Variants in PLXDC1 observed in about 807,000 individuals in gnomAD.
PLXDC1 encodes the protein plexin domain-containing protein 1.
A neutral mutation model predicts 61.3 loss-of-function variants in PLXDC1; 39 were observed. The ratio of observed to expected loss-of-function variants is 0.64; its 90% CI spans 0.49 to 0.83. The LOEUF is 0.83. Among genes scored for constraint, PLXDC1 ranks in the 40% least tolerant of loss-of-function variants. PLXDC1 has a pLI of 0.00. For synonymous variants in PLXDC1, 212 were observed against 254.5 expected (o/e 0.83, Z 1.59); for missense variants, 596 against 666.5 (o/e 0.89, Z 1.17).
chr17:39,077,845 GCCC>G, intron 11 of PLXDC1, 65 bp downstream of exon 11: 6 of 1,544,356 alleles, frequency 3.9e-6, no homozygotes, highest in African/African-American at 1.4e-5. Flanking sequence ...CAGAGAGGGG[GCCC>G]CAGAGGGGTG....
intron 8 of PLXDC1, 90 bp from the exon 9 acceptor site, chr17:39,083,630 T>A: frequency 1.0e-6 from 1 of 984,506 alleles, no homozygotes; most frequent in Non-Finnish European, 1.6e-6. Context: ...TTTACAGAAC[T>A]ATGGAGCCCC....
intron 10 of PLXDC1, 84 bp from the exon 11 acceptor site, chr17:39,078,132 T>C (rs1386394215): frequency 5.3e-6 from 7 of 1,326,162 alleles, no homozygotes; most frequent in Non-Finnish European, 7.2e-6. Context: ...ACAGGGCAAT[T>C]TATCTGTCAG....
chr17:39,151,996 T>A (rs1004166037), upstream of PLXDC1, among the ~76,000 whole-genome samples: 1 of 151,880 alleles, frequency 6.6e-6, no homozygotes, highest in Non-Finnish European at 1.5e-5. This position sits in a 1 kb window ranked among gnomAD's most constrained non-coding sequence, Gnocchi z 5.2. Context: ...CCCCTGACTG[T>A]TCCCCGCCCC....
chr17:39,139,589 G>C, intron 2 of PLXDC1, 65 bp downstream of exon 2: 1 of 1,439,364 alleles, frequency 6.9e-7, no homozygotes, highest in South Asian at 1.3e-5. Flanking sequence ...AAGCACACCT[G>C]GGGCAGCTGG....
chr17:39,152,642 A>G (rs2045381631), upstream of PLXDC1: 1 of 1,243,814 alleles, frequency 8.0e-7, no homozygotes, highest in South Asian at 3.5e-5. Context: ...TAGGGACTAG[A>G]AAACCGCGGA....
At chr17:39,124,911 T>C (rs1326360979) in intron 2 of PLXDC1, among the ~76,000 whole-genome samples, 2 of 152,134 alleles carry the variant, frequency 1.3e-5, no homozygotes, top group African/African-American at 2.4e-5. Flanking sequence ...CCTCCCGGGC[T>C]CAAGTGATCC....
At chr17:39,118,354 C>G (rs1490287975) in intron 2 of PLXDC1, among the ~76,000 whole-genome samples, 1 of 152,008 alleles carries the variant, frequency 6.6e-6, no homozygotes, top group Admixed American at 6.6e-5. Flanking sequence ...CAGGTGCATA[C>G]CACCACACCC....
intron 7 of PLXDC1, among the ~76,000 whole-genome samples, chr17:39,091,118 C>T (rs1043335205): frequency 3.9e-5 from 6 of 152,236 alleles, no homozygotes; most frequent in Admixed American, 6.5e-5. Context: ...TGCCCCCACC[C>T]TAGCTTCCCC....
chr17:39,083,380 A>G, intron 9 of PLXDC1, 79 bp downstream of exon 9: 1 of 1,061,970 alleles, frequency 9.4e-7, no homozygotes, highest in Non-Finnish European at 1.4e-6. Flanking sequence ...GTGGGCAGTG[A>G]GGCCAGGACG....
chr17:39,132,277 G>GGCACATCCCAGGGTCTCTGACTCA (rs1324566986), intron 2 of PLXDC1, among the ~76,000 whole-genome samples: 14 of 152,188 alleles, frequency 9.2e-5, no homozygotes, highest in South Asian at 2.1e-4. Context: ...AATAAATTGT[G>GGCACATCCCAGGGTCTCTGACTCA]GCACATCCCA....
Position 39,070,015 on chromosome 17 carries a change from G to T in PLXDC1, c.1224C>A (p.Gly408=), listed in dbSNP as rs138950045. The T allele has an allele frequency of 1.2e-6, 2 of 1,612,696 alleles. No individual in the cohort carries two copies. Among genetic ancestry groups the T allele is most frequent in the Admixed American group, 1.7e-5 (1 of 59,992 alleles). Residue 408 remains glycine, a splice_region_variant and synonymous_variant, in exon 13 of 14, where the codon GGC becomes GGA. Transcript: ENST00000315392. ...TCTTGGGGGACAGGTTGTTCTGAAG[G>T]CCTGTGGAGAGATCATTAGGGCAGA... ...TKLNPYAGGD[G]LQNNLSPKTK...
In PLXDC1 at chr17:39,125,715, T is replaced by C. The variant is rs1041426577; in HGVS notation, c.255+13939A>G. Among the ~76,000 whole-genome samples, 5 of 152,218 alleles carry C rather than the reference T, an allele frequency of 3.3e-5. No individual in the cohort carries two copies. The East Asian group carries it at 7.7e-4, about 23-fold the overall frequency. ...ACCGCTTCTGTCACATTTCATGATA[T>C]CAAAAGCAGCTTTTGATGGTAAACA... On this transcript the variant is annotated intron_variant, in intron 2 of 13. Transcript: ENST00000315392.
At chr17:39,130,002 TA>T (rs1435543863) in intron 2 of PLXDC1, among the ~76,000 whole-genome samples, 2 of 152,148 alleles carry the variant, frequency 1.3e-5, no homozygotes, top group East Asian at 3.8e-4. Context: ...AAACCAGACA[TA>T]AAACATCACA....
At chr17:39,078,245 G>A (rs1909418571) in intron 10 of PLXDC1, among the ~76,000 whole-genome samples, 197 bp from the exon 11 acceptor site, 1 of 152,204 alleles carries the variant, frequency 6.6e-6, no homozygotes. Context: ...GTAGGCGGCT[G>A]GACAGGGTTT....
chr17:39,151,608 G>T lies in PLXDC1; in HGVS notation c.-171C>A. 1 of 1,138,860 alleles carries T rather than the reference G, an allele frequency of 8.8e-7. No individual in the cohort carries two copies. The highest frequency in any genetic ancestry group is 3.7e-4 in the Middle Eastern group (1 of 2,726). 70.5% of individuals were successfully genotyped at this position (1,138,860 alleles called of 1,614,324 possible). ...GCCGGCAGGAGCGGCGAGAGCGCGA[G>T]CGGAGCTGGAGGCTGCGGCCTCCGG... On this transcript the variant is annotated 5_prime_UTR_variant, in exon 1 of 14. Transcript: ENST00000315392. This position sits in a 1 kb window ranked among gnomAD's most constrained non-coding sequence, Gnocchi z 5.2.
At chr17:39,089,634 G>A (rs1433480990) in intron 7 of PLXDC1, among the ~76,000 whole-genome samples, 1 of 152,170 alleles carries the variant, frequency 6.6e-6, no homozygotes, top group Non-Finnish European at 1.5e-5. Flanking sequence ...TTCTCGCTCG[G>A]CTGAAGGTGG....
chr17:39,103,139 C>T (rs1304084601), intron 7 of PLXDC1, among the ~76,000 whole-genome samples: 5 of 151,358 alleles, frequency 3.3e-5, no homozygotes, highest in Admixed American at 1.3e-4. Flanking sequence ...GGCGTGAACC[C>T]GGGAGGTGGA....
intron 11 of PLXDC1, among the ~76,000 whole-genome samples, chr17:39,077,499 C>T: frequency 6.6e-6 from 1 of 152,202 alleles, no homozygotes; most frequent in Admixed American, 6.5e-5. Context: ...AACAAGGCAG[C>T]CTTTCTCTCA....
rs561181086 is a variant in PLXDC1 at position 39,151,586 on chromosome 17, G to C, written c.-149C>G. 5 of 1,170,520 alleles carry C rather than the reference G, an allele frequency of 4.3e-6. No individual in the cohort carries two copies. Among genetic ancestry groups the C allele is most frequent in the East Asian group, 7.7e-5 (2 of 26,082 alleles). The allele number at this position is 1,170,520 out of a possible 1,614,324, so 72.5% of individuals were successfully genotyped here. ...GGCGGAGCGCGGGGCCGGGCGAGCCGGCAGGAGCGGCGAGAGCGCGAGCGG... is the reference window on the plus strand; with the variant it reads ...GGCGGAGCGCGGGGCCGGGCGAGCCCGCAGGAGCGGCGAGAGCGCGAGCGG... On this transcript the variant is annotated 5_prime_UTR_variant, in exon 1 of 14. Coordinates refer to ENST00000315392, the MANE Select transcript of PLXDC1 (RefSeq NM_020405.5). This position sits in a 1 kb window ranked among gnomAD's most constrained non-coding sequence, Gnocchi z 5.2.
Sources: gnomAD v4.1 joint callset for allele counts (sites outside exome capture counted in the v4.1 genomes callset) on GRCh38, gnomAD v4.1.1 for gene constraint, Gnocchi (gnomAD v3.1) non-coding constraint, MANE v1.5 for transcripts, NCBI Gene and HGNC (gene_info 2026-07-23, HGNC 2026-07-21) for gene names.